Variants in GRIK1 observed in about 807,000 individuals in gnomAD.
The protein encoded by GRIK1 is glutamate receptor ionotropic, kainate 1.
GRIK1 carries 69 observed loss-of-function variants against 105.7 expected under a neutral mutation model. The ratio of observed to expected loss-of-function variants is 0.65; its 90% CI spans 0.54 to 0.80. The LOEUF is 0.80. Ranked by LOEUF, GRIK1 falls within the 30% of genes least tolerant of loss-of-function variation. The probability of loss-of-function intolerance (pLI) is 0.00; values close to 1 mark genes in which losing one functional copy is unlikely to be tolerated. For synonymous variants in GRIK1, 438 were observed against 431.3 expected, an observed-to-expected ratio of 1.02 and a Z score of -0.19; for missense variants, 1,109 against 1,167.3, an observed-to-expected ratio of 0.95 and a Z score of 0.73.
rs904986504 is a variant in GRIK1 at position 29,729,281 on chromosome 21, T to C, written c.119-35218A>G. Among the ~76,000 whole-genome samples, 10 of 152,240 alleles carry C rather than the reference T, an allele frequency of 6.6e-5. No individual in the cohort carries two copies. In the Middle Eastern group the frequency reaches 0.014, roughly 207 times the overall value. On this transcript the variant is annotated intron_variant, in intron 1 of 17. Coordinates refer to ENST00000327783, the MANE Select transcript of GRIK1 (RefSeq NM_001330994.2). ...AGGCTGGGCATTTCTTATTATTTCATGCCGGAAGAAGCCCTAGTCAGCAGA... is the reference window on the plus strand; with the variant it reads ...AGGCTGGGCATTTCTTATTATTTCACGCCGGAAGAAGCCCTAGTCAGCAGA...
chr21:29,729,143 T>C (rs1283577817), intron 1 of GRIK1, among the ~76,000 whole-genome samples: 1 of 152,170 alleles, frequency 6.6e-6, no homozygotes, highest in Admixed American at 6.5e-5. Flanking sequence ...CATAATGTGT[T>C]GGAAATACCA....
chr21:29,671,600 T>C (rs1240451425), intron 4 of GRIK1, among the ~76,000 whole-genome samples: 1 of 152,132 alleles, frequency 6.6e-6, no homozygotes, highest in Non-Finnish European at 1.5e-5. Context: ...TTCCTAGTGA[T>C]TCAAAATTCC....
chr21:29,630,427 T>C (rs1334568244), intron 7 of GRIK1: 2 of 449,722 alleles, frequency 4.4e-6, no homozygotes, highest in Non-Finnish European at 9.1e-6. Flanking sequence ...TCAATTGACT[T>C]TGACTTAATA....
intron 13 of GRIK1, among the ~76,000 whole-genome samples, chr21:29,578,362 A>G (rs2090944236): frequency 6.6e-6 from 1 of 152,212 alleles, no homozygotes; most frequent in South Asian, 2.1e-4. Flanking sequence ...TCTGTCGTTA[A>G]TAATGGCTTA....
chr21:29,555,037 A>G lies in GRIK1; in HGVS notation c.2607+15T>C, dbSNP rs755228659. ...CAAACTATAAACTAACCAGTCCTAGAAAGAGATGACTCACCTGTTCAATAT... is the reference window on the plus strand; with the variant it reads ...CAAACTATAAACTAACCAGTCCTAGGAAGAGATGACTCACCTGTTCAATAT... On this transcript the variant is annotated intron_variant, in intron 16 of 17. Transcript: ENST00000327783. 1.3e-6 allele frequency: 2 copies of G among 1,599,608 alleles called. No homozygotes were observed. Among genetic ancestry groups the G allele is most frequent in the Non-Finnish European group, 1.7e-6 (2 of 1,168,006 alleles).
At chr21:29,846,245 C>G (rs2409350) in intron 1 of GRIK1, among the ~76,000 whole-genome samples, 1 of 78,606 alleles carries the variant, frequency 1.3e-5, no homozygotes, top group Non-Finnish European at 3.5e-5. Context: ...CAAAATTAGC[C>G]GGGCGCGTGG....
At chr21:29,784,117 C>T (rs1204454822) in intron 1 of GRIK1, among the ~76,000 whole-genome samples, 2 of 152,116 alleles carry the variant, frequency 1.3e-5, no homozygotes, top group Non-Finnish European at 2.9e-5. Context: ...GGGATTGTTA[C>T]GTATCTTACC....
intron 1 of GRIK1, among the ~76,000 whole-genome samples, chr21:29,737,522 T>C (rs371573691): frequency 6.6e-6 from 1 of 152,226 alleles, no homozygotes; most frequent in Non-Finnish European, 1.5e-5. Context: ...AAGAGAAAAC[T>C]GTTTTTAGCA....
At chr21:29,646,230 GAGCTCC>G (rs1167103781) in intron 6 of GRIK1, among the ~76,000 whole-genome samples, 1 of 152,160 alleles carries the variant, frequency 6.6e-6, no homozygotes, top group Non-Finnish European at 1.5e-5. Flanking sequence ...AGCTGTATGG[GAGCTCC>G]ATGCCTATGT....
rs146281589 is a variant in GRIK1 at position 29,602,413 on chromosome 21, G to T, written c.1099-3476C>A. Reference sequence around the variant, plus strand: ...TCCATTTATTGAATATCTTCTCTGTGCAGGGAAGTATGCTGAGAATACAGC... The same window carrying T: ...TCCATTTATTGAATATCTTCTCTGTTCAGGGAAGTATGCTGAGAATACAGC... On this transcript the variant is annotated intron_variant, in intron 7 of 17. Transcript: ENST00000327783. Among the ~76,000 whole-genome samples the T allele has an allele frequency of 2.6e-3, 394 of 152,250 alleles. 2 individuals carry two copies. The highest frequency in any genetic ancestry group is 9.1e-3 in the African/African-American group (377 of 41,534).
At chr21:29,912,060 G>A (rs900759898) in intron 1 of GRIK1, among the ~76,000 whole-genome samples, 1 of 151,798 alleles carries the variant, frequency 6.6e-6, no homozygotes, top group Admixed American at 6.6e-5. Flanking sequence ...TATACACAGA[G>A]AGAAAGAAAG....
intron 1 of GRIK1, among the ~76,000 whole-genome samples, chr21:29,928,264 C>T (rs1569225954): frequency 6.6e-6 from 1 of 152,142 alleles, no homozygotes; most frequent in Admixed American, 6.5e-5. Flanking sequence ...TTGCTTCTTT[C>T]GTTGCTGCTT....
intron 1 of GRIK1, among the ~76,000 whole-genome samples, chr21:29,708,831 T>G (rs919182228): frequency 4.6e-5 from 7 of 152,236 alleles, no homozygotes; most frequent in Admixed American, 3.3e-4. Flanking sequence ...GGAAGAATTA[T>G]TTGTTACAGT....
At chr21:29,671,182 G>T (rs1378084105) in intron 4 of GRIK1, among the ~76,000 whole-genome samples, 3 of 151,982 alleles carry the variant, frequency 2.0e-5, no homozygotes, top group Non-Finnish European at 2.9e-5. Context: ...GAGTACAGTG[G>T]CATAATCTTG....
At chr21:29,676,053 C>A (rs1212523681) in intron 3 of GRIK1, among the ~76,000 whole-genome samples, 3 of 152,268 alleles carry the variant, frequency 2.0e-5, no homozygotes, top group East Asian at 3.9e-4. Context: ...TAAACACACA[C>A]CCCCAAATAT....
chr21:29,758,123 T>C (rs2065398922), intron 1 of GRIK1, among the ~76,000 whole-genome samples: 1 of 152,214 alleles, frequency 6.6e-6, no homozygotes, highest in South Asian at 2.1e-4. Context: ...AATTTAGTCA[T>C]CCATGCCCAC....
At chr21:29,878,858 A>ATAAG (rs1222464948) in intron 1 of GRIK1, among the ~76,000 whole-genome samples, 2 of 151,774 alleles carry the variant, frequency 1.3e-5, no homozygotes, top group African/African-American at 4.8e-5. Flanking sequence ...TCTATTGTTT[A>ATAAG]TAAGTCACCG....
chr21:29,719,920 G>A (rs933071811), intron 1 of GRIK1, among the ~76,000 whole-genome samples: 5 of 152,118 alleles, frequency 3.3e-5, no homozygotes, highest in Non-Finnish European at 7.4e-5. Context: ...ACAGACTATA[G>A]CATATTTCAG....
intron 1 of GRIK1, among the ~76,000 whole-genome samples, chr21:29,714,859 A>G (rs1292925166): frequency 6.6e-6 from 1 of 152,170 alleles, no homozygotes; most frequent in Non-Finnish European, 1.5e-5. Flanking sequence ...ATAACACTAA[A>G]TGAGGGCAAT....
Sources: gnomAD v4.1 joint callset for allele counts (sites outside exome capture counted in the v4.1 genomes callset) on GRCh38, gnomAD v4.1.1 for gene constraint, MANE v1.5 for transcripts, NCBI Gene and HGNC (gene_info 2026-07-23, HGNC 2026-07-21) for gene names.